Variants in CCNB3 observed in about 807,000 individuals in gnomAD.
The protein encoded by CCNB3 is G2/mitotic-specific cyclin-B3.
In CCNB3, 12 loss-of-function variants were observed where a neutral mutation model predicts 68.0. That is an observed-to-expected ratio of 0.18 (90% CI 0.11 to 0.29). The LOEUF is 0.29. Among genes scored for constraint, CCNB3 ranks in the 10% least tolerant of loss-of-function variants. The probability of loss-of-function intolerance (pLI) is 1.00; values close to 1 mark genes in which losing one functional copy is unlikely to be tolerated. For missense variants in CCNB3, 904 were observed against 993.1 expected, an observed-to-expected ratio of 0.91 and a Z score of 1.21; for synonymous variants, 354 against 388.9, an observed-to-expected ratio of 0.91 and a Z score of 1.06.
At position 50,208,950 on chromosome X, in the gene CCNB3, T is replaced by C. The variant is rs138984584; in HGVS notation, c.-113+4000T>C. On this transcript the variant is annotated intron_variant, in intron 1 of 12. Coordinates refer to ENST00000376042, the MANE Select transcript of CCNB3 (RefSeq NM_033031.3). ...GACTATTCAAATGATATATTTCCTATTGGGTGTGTTGTGGCAGTTTGTGCT... is the reference window on the plus strand; with the variant it reads ...GACTATTCAAATGATATATTTCCTACTGGGTGTGTTGTGGCAGTTTGTGCT... Among the ~76,000 whole-genome samples the C allele has an allele frequency of 3.9e-3, 434 of 112,126 alleles. 2 individuals carry two copies. The highest frequency in any genetic ancestry group is 6.7e-3 in the Non-Finnish European group (354 of 53,228).
At position 50,208,220 on chromosome X, in the gene CCNB3, A is replaced by C. The variant is rs73211785; in HGVS notation, c.-113+3270A>C. Among the ~76,000 whole-genome samples the C allele has an allele frequency of 1.7e-4, 19 of 111,931 alleles. No homozygotes were observed. In the East Asian group the frequency reaches 4.8e-3, roughly 28 times the overall value. ...GGAGGAAATCTGGTGTTCACCATAAACCATAAGGCAAAGTGAGCTCATATT... is the reference window on the plus strand; with the variant it reads ...GGAGGAAATCTGGTGTTCACCATAACCCATAAGGCAAAGTGAGCTCATATT... On this transcript the variant is annotated intron_variant, in intron 1 of 12. Coordinates refer to ENST00000376042, the MANE Select transcript of CCNB3 (RefSeq NM_033031.3).
At chrX:50,313,734 C>T in intron 7 of CCNB3, 122 bp from the exon 8 acceptor site, 1 of 469,746 alleles carries the variant, frequency 2.1e-6, no homozygotes, top group Non-Finnish European at 3.6e-6. Context: ...TTTGATCTGC[C>T]CCTCTCTAAT....
intron 4 of CCNB3, among the ~76,000 whole-genome samples, chrX:50,293,233 CTG>C (rs1243094012): frequency 9.0e-6 from 1 of 110,919 alleles, no homozygotes; most frequent in African/African-American, 3.3e-5. Flanking sequence ...TTATTTCTGA[CTG>C]TGTCTATTTT....
intron 6 of CCNB3, among the ~76,000 whole-genome samples, chrX:50,311,978 T>C (rs1388561759): frequency 9.0e-6 from 1 of 110,750 alleles, no homozygotes; most frequent in East Asian, 2.8e-4. Flanking sequence ...AAATTGCCTT[T>C]CTTAGTAATT....
intron 1 of CCNB3, among the ~76,000 whole-genome samples, chrX:50,211,448 G>A (rs1788334628): frequency 9.0e-6 from 1 of 111,272 alleles, no homozygotes; most frequent in African/African-American, 3.3e-5. Flanking sequence ...AGGATTGCTT[G>A]AGGACAGGAG....
At chrX:50,319,504 T>A (rs949883194) in intron 8 of CCNB3, among the ~76,000 whole-genome samples, 2 of 112,031 alleles carry the variant, frequency 1.8e-5, no homozygotes, top group Admixed American at 1.9e-4. Flanking sequence ...GAGTTCTTTT[T>A]TTGTAGATTT....
chrX:50,215,492 A>C (rs1935557752), intron 1 of CCNB3, among the ~76,000 whole-genome samples: 1 of 109,651 alleles, frequency 9.1e-6, no homozygotes, highest in South Asian at 4.0e-4. Context: ...GTGTTCTATA[A>C]ATGTCAATTA....
intron 8 of CCNB3, among the ~76,000 whole-genome samples, chrX:50,337,903 A>G (rs1479677122): frequency 8.9e-6 from 1 of 112,306 alleles, no homozygotes; most frequent in African/African-American, 3.2e-5. Context: ...GTCAAAAACA[A>G]AAACCAAAGT....
At chrX:50,348,487 A>C (rs1345591276) in intron 11 of CCNB3, among the ~76,000 whole-genome samples, 1 of 112,059 alleles carries the variant, frequency 8.9e-6, no homozygotes, top group African/African-American at 3.2e-5. Flanking sequence ...CACTGAGGGA[A>C]GAACCTCTGT....
At chrX:50,317,865 C>T (rs144445425) in intron 8 of CCNB3, among the ~76,000 whole-genome samples, 518 of 110,898 alleles carry the variant, frequency 4.7e-3, no homozygotes, top group Middle Eastern at 0.019. Context: ...GCACTGTGCC[C>T]GACTTCTTTC....
chrX:50,282,246 C>G (rs1338609073), intron 1 of CCNB3, among the ~76,000 whole-genome samples: 1 of 111,222 alleles, frequency 9.0e-6, no homozygotes, highest in African/African-American at 3.3e-5. Context: ...AAGGGACTTG[C>G]CCAGTGTCAC....
At chrX:50,226,652 T>TATATCTATAAATATATATATAGAAC (rs1935827473) in intron 1 of CCNB3, among the ~76,000 whole-genome samples, 4 of 81,246 alleles carry the variant, frequency 4.9e-5, no homozygotes, top group African/African-American at 9.7e-5. Flanking sequence ...ATATATAGAA[T>TATATCTATAAATATATATATAGAAC]ATATCTATAA....
intron 1 of CCNB3, among the ~76,000 whole-genome samples, chrX:50,215,455 T>C (rs1935556751): frequency 9.1e-6 from 1 of 109,578 alleles, no homozygotes; most frequent in Non-Finnish European, 1.9e-5. Flanking sequence ...AATGAATGTG[T>C]ATTTTTTTTT....
At chrX:50,317,176 G>A (rs142143464) in intron 8 of CCNB3, among the ~76,000 whole-genome samples, 272 of 112,105 alleles carry the variant, frequency 2.4e-3, no homozygotes, top group Non-Finnish European at 4.0e-3. Context: ...TTCCTTAAGG[G>A]TTAATAATGT....
chrX:50,212,984 A>G, intron 1 of CCNB3, among the ~76,000 whole-genome samples: 1 of 112,036 alleles, frequency 8.9e-6, no homozygotes, highest in Non-Finnish European at 1.9e-5. Flanking sequence ...ACCATAAGCC[A>G]TAAGGCAAAG....
At chrX:50,328,663 T>C (rs1486230779) in intron 8 of CCNB3, among the ~76,000 whole-genome samples, 1 of 111,828 alleles carries the variant, frequency 8.9e-6, no homozygotes, top group Non-Finnish European at 1.9e-5. Flanking sequence ...TCTTCTCACA[T>C]TGTAAATTAC....
At chrX:50,297,695 G>T (rs1204842180) in intron 5 of CCNB3, among the ~76,000 whole-genome samples, 1 of 111,598 alleles carries the variant, frequency 9.0e-6, no homozygotes, top group African/African-American at 3.3e-5. Context: ...GATGGGGATG[G>T]CATTGAATCT....
chrX:50,226,452 A>C (rs1935806795), intron 1 of CCNB3, among the ~76,000 whole-genome samples: 1 of 73,450 alleles, frequency 1.4e-5, no homozygotes, highest in Non-Finnish European at 2.3e-5. Context: ...TATAGAATAT[A>C]TATAAATATA....
At chrX:50,349,734 C>A (rs1423200256) in intron 11 of CCNB3, among the ~76,000 whole-genome samples, 1 of 111,919 alleles carries the variant, frequency 8.9e-6, no homozygotes, top group African/African-American at 3.3e-5. Flanking sequence ...GGGTTTCCTG[C>A]AGAATTCTCT....
Sources: gnomAD v4.1 joint callset for allele counts (sites outside exome capture counted in the v4.1 genomes callset) on GRCh38, gnomAD v4.1.1 for gene constraint, MANE v1.5 for transcripts, NCBI Gene and HGNC (gene_info 2026-07-23, HGNC 2026-07-21) for gene names.